The following CHD4 variants were observed in gnomAD, a reference collection of about 807,000 sequenced individuals.
CHD4 encodes the protein chromodomain helicase DNA binding protein 4, also known as ATP-dependent chromatin remodeler CHD4.
In CHD4, 35 loss-of-function variants were observed where a neutral mutation model predicts 235.5. The ratio of observed to expected loss-of-function variants is 0.15; its 90% CI spans 0.11 to 0.20. CHD4 has a LOEUF of 0.20. Among genes scored for constraint, CHD4 ranks in the 10% least tolerant of loss-of-function variants. The pLI, the probability that CHD4 is intolerant of heterozygous loss-of-function variation, is 1.00. For synonymous variants in CHD4, 900 were observed against 850.2 expected (o/e 1.06, Z -1.02); for missense variants, 1,329 against 2,432.3 (o/e 0.55, Z 9.54).
chr12:6,581,004 AAAACAAAC>A, intron 33 of CHD4, 32 bp downstream of exon 33: 2 of 1,607,178 alleles, frequency 1.2e-6, no homozygotes, highest in Non-Finnish European at 1.7e-6. Flanking sequence ...ACACTGTCTC[AAAACAAAC>A]AAACAAACAA....
At chr12:6,594,036 T>C (rs1948443800) in intron 15 of CHD4, among the ~76,000 whole-genome samples, 2 of 152,306 alleles carry the variant, frequency 1.3e-5, no homozygotes, top group Non-Finnish European at 1.5e-5. Context: ...GGTTTCGCCA[T>C]GTTGGTCAGG....
intron 13 of CHD4, 132 bp from the exon 14 acceptor site, chr12:6,595,562 C>G: frequency 1.5e-6 from 1 of 674,996 alleles, no homozygotes; most frequent in African/African-American, 1.8e-5. Flanking sequence ...CTGAGACGGG[C>G]GGATCACCTG....
chr12:6,574,448 G>A (rs1247410680), intron 37 of CHD4, among the ~76,000 whole-genome samples: 1 of 152,112 alleles, frequency 6.6e-6, no homozygotes, highest in East Asian at 1.9e-4. Flanking sequence ...AAGATTCTTT[G>A]AAATATATCC....
At chr12:6,590,526 AG>A (rs1948376687) in intron 22 of CHD4, among the ~76,000 whole-genome samples, 1 of 152,064 alleles carries the variant, frequency 6.6e-6, no homozygotes, top group Non-Finnish European at 1.5e-5. Context: ...TTTTTAAACA[AG>A]GAGTAGTGAT....
At position 6,600,570 on chromosome 12, in the gene CHD4, G is replaced by A. The variant is rs765576027; in HGVS notation, c.1027C>T (p.Arg343Cys). 6 of 1,613,564 alleles carry A rather than the reference G, an allele frequency of 3.7e-6. No homozygotes were observed. The highest frequency in any genetic ancestry group is 1.7e-5 in the Admixed American group (1 of 59,918). ...DGSTSRSSRS[R>C]KKLRTTKKKK... ...TTTTTAGTGGTTCGGAGTTTCTTGC[G>A]GCTGCGGCTACTACGGCTGGTGGAA... The change falls in exon 8 of 40, where the codon CGC becomes TGC. Residue 343 changes from arginine (R) to cysteine (C), a missense_variant. Arg to Cys is a radical substitution (Grantham distance 180). This residue lies in a region of CHD4 where 160 missense variants were observed against 196.6 expected (regional missense o/e 0.81). Transcript: ENST00000544040.
At position 6,582,728 on chromosome 12, in the gene CHD4, A is replaced by G; in HGVS notation, c.4257T>C (p.Arg1419=). Residue 1419 remains arginine, a synonymous_variant, in exon 29 of 40, where the codon CGT becomes CGC. Coordinates refer to ENST00000544040, the MANE Select transcript of CHD4 (RefSeq NM_001273.5). ...TTGCATTAAGAAAGGCTTTTCGCTG[A>G]CGAGCATTAAAACCAAGTACCTAGG... ...GNIEVLGFNA[R]QRKAFLNAIM... 1.9e-6 allele frequency: 3 copies of G among 1,614,188 alleles called. No individual in the cohort carries two copies. Among genetic ancestry groups the G allele is most frequent in the Non-Finnish European group, 1.7e-6 (2 of 1,180,040 alleles).
chr12:6,579,183 C>T (rs940965421), intron 33 of CHD4: 4 of 404,570 alleles, frequency 9.9e-6, no homozygotes, highest in African/African-American at 4.1e-5. Flanking sequence ...GGTGCGGTGG[C>T]TCATGCCTGT....
chr12:6,588,556 T>A, intron 22 of CHD4, 134 bp from the exon 23 acceptor site: 2 of 913,810 alleles, frequency 2.2e-6, no homozygotes, highest in Non-Finnish European at 3.2e-6. Context: ...GACAGGTGGA[T>A]CATTTGACAT....
rs1167826085 is a variant in CHD4, at chr12:6,581,080, CCTT to C, written c.4870_4872del (p.Lys1624del). ...GTCTCCATAGGTTCCTCTGTTCTCTCCTTCACCTCTGCCTTTTCCACTTTCTCC... is the reference window on the plus strand; with the variant it reads ...GTCTCCATAGGTTCCTCTGTTCTCTCCACCTCTGCCTTTTCCACTTTCTCC... On this transcript the variant is annotated inframe_deletion, in exon 33 of 40. Transcript: ENST00000544040. The C allele has an allele frequency of 6.2e-7, 1 of 1,614,048 alleles. No individual in the cohort carries two copies. Among genetic ancestry groups the C allele is most frequent in the Non-Finnish European group, 8.5e-7 (1 of 1,180,040 alleles).
chr12:6,585,489 A>G (rs11064266), intron 25 of CHD4, among the ~76,000 whole-genome samples: 34,835 of 151,262 alleles, frequency 0.23, 5,568 homozygotes, highest in African/African-American at 0.46. Context: ...TCATCGTGTT[A>G]GCCAGGATGG....
At position 6,594,452 on chromosome 12, in the gene CHD4, TC is replaced by T; in HGVS notation, c.2313+6del. On this transcript the variant is annotated splice_donor_region_variant and intron_variant, in intron 15 of 39. Coordinates refer to ENST00000544040, the MANE Select transcript of CHD4 (RefSeq NM_001273.5). ...CACAAAAAACTATCCACCCCAGATTTCCTTACCTCCTTGTAAAGGGAATACA... is the reference window on the plus strand; with the variant it reads ...CACAAAAAACTATCCACCCCAGATTTCTTACCTCCTTGTAAAGGGAATACA... The T allele has an allele frequency of 2.5e-6, 4 of 1,597,440 alleles. No individual in the cohort carries two copies. Among genetic ancestry groups the T allele is most frequent in the Non-Finnish European group, 3.4e-6 (4 of 1,170,544 alleles).
chr12:6,582,112 C>A, intron 30 of CHD4, 25 bp downstream of exon 30: 1 of 1,526,796 alleles, frequency 6.5e-7, no homozygotes, highest in South Asian at 1.2e-5. Flanking sequence ...CCCCTAGAAA[C>A]AATGGCAAGA....
chr12:6,594,498 A>G lies in CHD4; in HGVS notation c.2274T>C (p.Thr758=), dbSNP rs199553704. 173 of 1,613,880 alleles carry G rather than the reference A, an allele frequency of 1.1e-4. No homozygotes were observed. In the East Asian group the frequency reaches 2.4e-3, roughly 22 times the overall value. ...ILADEMGLGK[T]VQTAVFLYSL... ...AATACAGGAAGACTGCTGTCTGTAC[A>G]GTTTTCCCAAGGCCCATCTCATCAG... is the stretch of plus-strand genomic sequence containing the variant. The change falls in exon 15 of 40, where the codon ACT becomes ACC. Residue 758 remains threonine, a synonymous_variant. Transcript: ENST00000544040.
Position 6,606,282 on chromosome 12 carries a change from G to T in CHD4, c.92C>A (p.Pro31His), listed in dbSNP as rs138912992. The T allele has an allele frequency of 4.2e-5, 66 of 1,575,546 alleles. No individual in the cohort carries two copies. Among genetic ancestry groups the T allele is most frequent in the Non-Finnish European group, 5.3e-5 (62 of 1,160,324 alleles). The stretch of plus-strand genomic sequence containing the variant: ...CTTGGGGAAGATGTTACCTGGGTGG[G>T]GTGGGGGCAGGCTGTTGTTCAAAAG... ...DALLNNSLPP[P>H]HPENEEDPEE... The change falls in exon 2 of 40, where the codon CCC becomes CAC. Residue 31 changes from proline to histidine, a missense_variant. Around this residue, in one of 26 missense-constraint regions of CHD4, gnomAD observed 213 missense variants for 177.5 expected, o/e 1.20. Transcript: ENST00000544040.
chr12:6,571,199 T>G, intron 38 of CHD4, 167 bp from the exon 39 acceptor site: 1 of 741,948 alleles, frequency 1.3e-6, no homozygotes, highest in Non-Finnish European at 2.2e-6. Context: ...CTCCTCATAT[T>G]CCAGTTCCAA....
Position 6,599,947 on chromosome 12 carries a change from C to A in CHD4, c.1308G>T (p.Glu436Asp). ...DNSEGEEILE[E>D]VGGDLEEEDD... The stretch of plus-strand genomic sequence containing the variant: ...CCTCCTCTTCGAGGTCTCCCCCAAC[C>A]TCTTCCAGGATCTCCTCACCCTCCG... Residue 436 changes from glutamate (E) to aspartate (D), a missense_variant, in exon 10 of 40, where the codon GAG becomes GAT. Glu to Asp is a conservative substitution (Grantham distance 45). This residue lies in a region of CHD4 where 37 missense variants were observed against 49.9 expected (regional missense o/e 0.74). Coordinates refer to ENST00000544040, the MANE Select transcript of CHD4 (RefSeq NM_001273.5). 1 of 1,614,194 alleles carries A rather than the reference C, an allele frequency of 6.2e-7. No individual in the cohort carries two copies. Among genetic ancestry groups the A allele is most frequent in the Non-Finnish European group, 8.5e-7 (1 of 1,180,036 alleles).
At chr12:6,601,133 C>T (rs2136224555) in intron 6 of CHD4, 80 bp from the exon 7 acceptor site, 5 of 1,524,060 alleles carry the variant, frequency 3.3e-6, no homozygotes, top group East Asian at 4.5e-5. Flanking sequence ...AAGCTTGCTT[C>T]CCCACATTCA....
rs756988356 is a variant in CHD4 at position 6,578,464 on chromosome 12, C to T, written c.5064G>A (p.Gln1688=). Residue 1688 remains glutamine (Q), a synonymous_variant, in exon 35 of 40, where the codon CAG becomes CAA. Transcript: ENST00000544040. ...ETPKDLNDEK[Q]KKNIKQRFMF... ...TGAAACGTTGTTTAATATTTTTCTT[C>T]TGTTTCTCATCATTCAGGTCCTTGG... The T allele has an allele frequency of 4.3e-6, 7 of 1,614,042 alleles. No homozygotes were observed. Among genetic ancestry groups the T allele is most frequent in the Non-Finnish European group, 5.9e-6 (7 of 1,180,020 alleles).
intron 22 of CHD4, among the ~76,000 whole-genome samples, chr12:6,589,073 C>T (rs1311830355): frequency 6.6e-6 from 1 of 151,940 alleles, no homozygotes; most frequent in Non-Finnish European, 1.5e-5. Context: ...CGTGGTGAAA[C>T]CCTGCCTACT....
Sources: allele counts gnomAD v4.1 joint callset (sites outside exome capture counted in the v4.1 genomes callset), GRCh38; gene constraint gnomAD v4.1.1; regional missense constraint gnomAD v4.1.1; transcripts MANE v1.5; gene names NCBI Gene and HGNC (gene_info 2026-07-23, HGNC 2026-07-21).